The following BNIP2 variants were observed in gnomAD, a reference collection of about 807,000 sequenced individuals.
The protein encoded by BNIP2 is BCL2 interacting protein 2, also known as BCL2/adenovirus E1B 19 kDa protein-interacting protein 2.
In BNIP2, 36 loss-of-function variants were observed where a neutral mutation model predicts 43.4. That is an observed-to-expected ratio of 0.83 (90% CI 0.64 to 1.10). The LOEUF is 1.10. Among genes scored for constraint, BNIP2 ranks in the 50% least tolerant of loss-of-function variants. The pLI is 0.00. For missense variants in BNIP2, 417 were observed against 374.1 expected, an observed-to-expected ratio of 1.11 and a Z score of -0.95; for synonymous variants, 146 against 121.0, an observed-to-expected ratio of 1.21 and a Z score of -1.35.
At chr15:59,667,516 A>C (rs1892637871) in intron 9 of BNIP2, among the ~76,000 whole-genome samples, 1 of 152,216 alleles carries the variant, frequency 6.6e-6, no homozygotes, top group African/African-American at 2.4e-5. Flanking sequence ...AAGTGTTCAA[A>C]ATTAAATTTA....
intron 1 of BNIP2, among the ~76,000 whole-genome samples, chr15:59,687,840 T>C (rs6151450): frequency 0.38 from 58,383 of 151,858 alleles, 11,695 homozygotes; most frequent in East Asian, 0.55. Context: ...TTGGGATGCA[T>C]GACACTTGTG....
At chr15:59,684,452 A>G (rs954066081) in intron 1 of BNIP2, among the ~76,000 whole-genome samples, 2 of 152,218 alleles carry the variant, frequency 1.3e-5, no homozygotes, top group African/African-American at 4.8e-5. Flanking sequence ...AGGGACACCT[A>G]CCTTACCAAA....
Position 59,660,346 on chromosome 15 carries a change from A to C in BNIP2, c.*3723T>G, listed in dbSNP as rs747051619. 6.6e-6 allele frequency: 1 copy of C among 152,138 alleles called. No individual in the cohort carries two copies. Among genetic ancestry groups the C allele is most frequent in the Non-Finnish European group, 1.5e-5 (1 of 68,038 alleles). The allele number at this position is 152,138 out of a possible 1,614,324, so 9.4% of individuals were successfully genotyped here. On this transcript the variant is annotated 3_prime_UTR_variant, in exon 10 of 10. Transcript: ENST00000607373. ...TGAAAACAAAATAGAATGGTGTAGC[A>C]ATCTCTATTTTCAGCCTATCTCCTA...
intron 5 of BNIP2, among the ~76,000 whole-genome samples, chr15:59,673,795 A>G (rs1208505687): frequency 2.0e-5 from 3 of 152,168 alleles, no homozygotes; most frequent in Admixed American, 2.0e-4. Context: ...TAGGACATTA[A>G]AACTAAATTA....
At chr15:59,683,357 A>AT (rs1477621408) in intron 1 of BNIP2, among the ~76,000 whole-genome samples, 1 of 152,264 alleles carries the variant, frequency 6.6e-6, no homozygotes, top group Non-Finnish European at 1.5e-5. Context: ...CTATAGAAGG[A>AT]AAGAGGTATA....
At chr15:59,678,886 T>G (rs1308005551) in intron 4 of BNIP2, 3 of 1,296,420 alleles carry the variant, frequency 2.3e-6, no homozygotes, top group Non-Finnish European at 3.0e-6. Flanking sequence ...ACAAAACTAT[T>G]TCAGTATCTT....
chr15:59,687,653 A>G (rs1037918186), intron 1 of BNIP2, among the ~76,000 whole-genome samples: 1 of 152,030 alleles, frequency 6.6e-6, no homozygotes, highest in African/African-American at 2.4e-5. Flanking sequence ...GACATCTTTC[A>G]ATCTATCAGC....
Position 59,682,187 on chromosome 15 carries a change from C to T in BNIP2, c.50+221G>A, listed in dbSNP as rs557110815. 4.4e-4 allele frequency among the ~76,000 whole-genome samples: 67 copies of T among 152,106 alleles called. 2 individuals are homozygous for T. In the Middle Eastern group the frequency reaches 0.01, roughly 23 times the overall value. ...ATTAAAAATACAAAAATTAGCCAGG[C>T]GTGGTGGCGCACACCTATAGTCCCA... On this transcript the variant is annotated intron_variant, in intron 2 of 9. Coordinates refer to ENST00000607373, the MANE Select transcript of BNIP2 (RefSeq NM_004330.4).
At chr15:59,675,956 T>C (rs1308159701) in intron 5 of BNIP2, among the ~76,000 whole-genome samples, 2 of 152,212 alleles carry the variant, frequency 1.3e-5, no homozygotes, top group African/African-American at 2.4e-5. Context: ...AAGCTGAGTA[T>C]TCATTGCACA....
intron 1 of BNIP2, among the ~76,000 whole-genome samples, chr15:59,684,251 A>G (rs1893878263): frequency 6.6e-6 from 1 of 152,252 alleles, no homozygotes; most frequent in Admixed American, 6.5e-5. Flanking sequence ...ACCACAGAAA[A>G]AAAATGGTAG....
chr15:59,675,263 G>GA (rs1376915375), intron 5 of BNIP2, among the ~76,000 whole-genome samples: 16 of 141,338 alleles, frequency 1.1e-4, no homozygotes, highest in African/African-American at 3.7e-4. Context: ...AAAAAAAAAA[G>GA]AAAAAAAAAT....
chr15:59,665,853 T>C (rs1386155739), intron 9 of BNIP2, among the ~76,000 whole-genome samples: 4 of 152,206 alleles, frequency 2.6e-5, no homozygotes, highest in Admixed American at 6.5e-5. Flanking sequence ...CATATGTTTT[T>C]ATTCTCATCA....
At chr15:59,672,275 G>A (rs1892982661) in intron 6 of BNIP2, 1 of 162,920 alleles carries the variant, frequency 6.1e-6, no homozygotes, top group African/African-American at 2.4e-5. Context: ...GAAAAGATCT[G>A]GGATATTTAT....
chr15:59,680,580 T>C (rs1225226310), intron 2 of BNIP2, among the ~76,000 whole-genome samples: 3 of 152,178 alleles, frequency 2.0e-5, no homozygotes, highest in African/African-American at 4.8e-5. Flanking sequence ...GGCTAATTTT[T>C]AGTAGAGACA....
Position 59,672,732 on chromosome 15 carries a change from A to G in BNIP2, c.480T>C (p.Tyr160=), listed in dbSNP as rs1231497025. ...CAACAATGGCATTTAATCCATCCCC[A>G]TAATATCCTAAAAAAGAAACCAAAG... The part of the protein sequence containing the change: ...YKKVISHGGY[Y]GDGLNAIVVF... Residue 160 remains tyrosine, a synonymous_variant, in exon 6 of 10, where the codon TAT becomes TAC. Transcript: ENST00000607373. The G allele has an allele frequency of 1.5e-5, 25 of 1,612,972 alleles. No individual in the cohort carries two copies. The highest frequency in any genetic ancestry group is 1.8e-5 in the Non-Finnish European group (21 of 1,179,384).
intron 5 of BNIP2, among the ~76,000 whole-genome samples, chr15:59,674,419 G>C (rs1448246238): frequency 6.6e-6 from 1 of 152,120 alleles, no homozygotes; most frequent in Non-Finnish European, 1.5e-5. Context: ...TGAAAGATAA[G>C]AGATTTAAGC....
intron 9 of BNIP2, among the ~76,000 whole-genome samples, chr15:59,668,379 T>A (rs1255235102): frequency 6.6e-6 from 1 of 152,232 alleles, no homozygotes; most frequent in East Asian, 1.9e-4. Context: ...CAGTTATTTA[T>A]GTTAACAGCC....
chr15:59,682,587 A>C, intron 1 of BNIP2, 73 bp from the exon 2 acceptor site: 5 of 1,154,524 alleles, frequency 4.3e-6, no homozygotes, highest in Non-Finnish European at 4.9e-6. Context: ...TAATAATCTT[A>C]TATATTAGTT....
At chr15:59,680,385 C>T (rs961113786) in intron 2 of BNIP2, 77 bp from the exon 3 acceptor site, 7 of 1,061,132 alleles carry the variant, frequency 6.6e-6, no homozygotes, top group Non-Finnish European at 8.1e-6. Flanking sequence ...ATTAAACATA[C>T]AGCTTATAGA....
Sources: allele counts gnomAD v4.1 joint callset (sites outside exome capture counted in the v4.1 genomes callset), GRCh38; gene constraint gnomAD v4.1.1; transcripts MANE v1.5; gene names NCBI Gene and HGNC (gene_info 2026-07-23, HGNC 2026-07-21).